Variants in NTRK2 observed in about 807,000 individuals in gnomAD.
The protein encoded by NTRK2 is neurotrophic receptor tyrosine kinase 2.
A neutral mutation model predicts 94.5 loss-of-function variants in NTRK2; 13 were observed. The observed-to-expected ratio is 0.14, with a 90% CI of 0.09 to 0.22. The LOEUF is 0.22. Ranked by LOEUF, NTRK2 falls within the 10% of genes least tolerant of loss-of-function variation. The probability of loss-of-function intolerance (pLI) is 1.00; values close to 1 mark genes in which losing one functional copy is unlikely to be tolerated. For synonymous variants in NTRK2, 372 were observed against 407.4 expected (o/e 0.91, Z 1.05); for missense variants, 639 against 1,071.2 (o/e 0.60, Z 5.63).
intron 14 of NTRK2, among the ~76,000 whole-genome samples, chr9:84,913,660 T>C (rs1477457860): frequency 6.6e-6 from 1 of 152,104 alleles, no homozygotes; most frequent in East Asian, 1.9e-4. Context: ...ATTCAAATAG[T>C]TTTTTCCTTA....
At chr9:84,893,344 A>G (rs1361304744) in intron 14 of NTRK2, among the ~76,000 whole-genome samples, 2 of 152,216 alleles carry the variant, frequency 1.3e-5, no homozygotes, top group African/African-American at 4.8e-5. Flanking sequence ...AAATCATGTA[A>G]GTGCACCTCT....
At chr9:84,785,349 A>G (rs1178871187) in intron 12 of NTRK2, among the ~76,000 whole-genome samples, 1 of 152,232 alleles carries the variant, frequency 6.6e-6, no homozygotes, top group Non-Finnish European at 1.5e-5. Flanking sequence ...ATCACCCATG[A>G]TAGTTGGAAG....
At chr9:84,818,839 C>A (rs2072596270) in intron 12 of NTRK2, among the ~76,000 whole-genome samples, 1 of 152,172 alleles carries the variant, frequency 6.6e-6, no homozygotes, top group Admixed American at 6.5e-5. Flanking sequence ...TGAACAGAAT[C>A]CAGACATCAG....
chr9:84,908,524 T>C (rs1183509058), intron 14 of NTRK2, among the ~76,000 whole-genome samples: 1 of 152,236 alleles, frequency 6.6e-6, no homozygotes, highest in Non-Finnish European at 1.5e-5. Context: ...ACACATTTCT[T>C]TAATATTTCT....
chr9:84,894,544 T>A lies in NTRK2; in HGVS notation c.1633+27113T>A, dbSNP rs1050960717. Among the ~76,000 whole-genome samples the A allele has an allele frequency of 5.9e-5, 9 of 152,260 alleles. No individual in the cohort carries two copies. In the East Asian group the frequency reaches 1.3e-3, roughly 23 times the overall value. On this transcript the variant is annotated intron_variant, in intron 14 of 18. Coordinates refer to ENST00000277120, the MANE Select transcript of NTRK2 (RefSeq NM_006180.6). The stretch of plus-strand genomic sequence containing the variant: ...ATACCCCACAACCTCCACCTAAATA[T>A]TCTATCTAAACTTCATGCTGCTCAA...
At chr9:84,702,549 A>T (rs576250523) in intron 4 of NTRK2, 130 bp downstream of exon 4, 1 of 810,276 alleles carries the variant, frequency 1.2e-6, no homozygotes, top group South Asian at 1.4e-5. Flanking sequence ...ATAATAGCTT[A>T]GAAACATTAG....
intron 14 of NTRK2, among the ~76,000 whole-genome samples, chr9:84,919,111 A>C (rs73476467): frequency 0.048 from 7,250 of 152,242 alleles, 576 homozygotes; most frequent in African/African-American, 0.16. Context: ...GAGGAATCCT[A>C]GTCCTACCAC....
At chr9:84,816,017 A>AT (rs927742593) in intron 12 of NTRK2, among the ~76,000 whole-genome samples, 124 of 151,650 alleles carry the variant, frequency 8.2e-4, no homozygotes, top group African/African-American at 2.8e-3. Context: ...ACTTATGCGA[A>AT]TTTTTTTTAA....
chr9:84,870,347 A>G lies in NTRK2; in HGVS notation c.1633+2916A>G, dbSNP rs1367417270. On this transcript the variant is annotated intron_variant, in intron 14 of 18. Coordinates refer to ENST00000277120, the MANE Select transcript of NTRK2 (RefSeq NM_006180.6). ...TGTGTGTGTGTATATATATATATATATATATATATATATATATAAAACTCT... is the reference window on the plus strand; with the variant it reads ...TGTGTGTGTGTATATATATATATATGTATATATATATATATATAAAACTCT... Among the ~76,000 whole-genome samples the G allele has an allele frequency of 3.3e-3, 390 of 118,654 alleles. 16 individuals are homozygous for G. Among genetic ancestry groups the G allele is most frequent in the African/African-American group, 9.8e-3 (331 of 33,660 alleles). 77.8% of individuals were successfully genotyped at this position (118,654 alleles called of 152,430 possible). A position where few individuals can be genotyped will look rare whatever the true frequency, so the allele number is the denominator to read the frequency against.
rs750758088 is a variant in NTRK2 at position 84,727,765 on chromosome 9, C to T, written c.965C>T (p.Ala322Val). ...KPALQWFYNG[A>V]ILNESKYICT... ...GCGCTTCAGTGGTTCTATAACGGGG[C>T]AATATTGAATGAGTCCAAATACATC... Residue 322 changes from alanine (A) to valine (V), a missense_variant, in exon 9 of 19, where the codon GCA becomes GTA. Physicochemically the swap from Ala to Val is moderately conservative, Grantham distance 64. This residue lies in a region of NTRK2 where 343 missense variants were observed against 571.5 expected (regional missense o/e 0.60). Coordinates refer to ENST00000277120, the MANE Select transcript of NTRK2 (RefSeq NM_006180.6). 1 of 1,614,174 alleles carries T rather than the reference C, an allele frequency of 6.2e-7. No homozygotes were observed. Among genetic ancestry groups the T allele is most frequent in the Non-Finnish European group, 8.5e-7 (1 of 1,180,028 alleles).
chr9:84,780,251 G>A (rs1419263007), intron 12 of NTRK2, among the ~76,000 whole-genome samples: 1 of 152,088 alleles, frequency 6.6e-6, no homozygotes, highest in Non-Finnish European at 1.5e-5. Flanking sequence ...TTGGAATACA[G>A]CCCCATTCAT....
intron 14 of NTRK2, among the ~76,000 whole-genome samples, chr9:84,918,810 A>G (rs1466344035): frequency 6.6e-6 from 1 of 152,134 alleles, no homozygotes; most frequent in African/African-American, 2.4e-5. Context: ...CATCACTACC[A>G]CTATAATCTA....
intron 14 of NTRK2, among the ~76,000 whole-genome samples, chr9:84,889,744 A>G (rs2076541096): frequency 6.6e-6 from 1 of 152,254 alleles, no homozygotes; most frequent in African/African-American, 2.4e-5. Context: ...TGGACATCAC[A>G]TATCATTGGT....
chr9:84,914,490 C>T (rs945349701), intron 14 of NTRK2, among the ~76,000 whole-genome samples: 1 of 152,138 alleles, frequency 6.6e-6, no homozygotes, highest in African/African-American at 2.4e-5. Context: ...TGACAGCACT[C>T]CACCAGGGGA....
intron 14 of NTRK2, among the ~76,000 whole-genome samples, chr9:84,884,373 G>A (rs1424911028): frequency 2.6e-5 from 4 of 151,994 alleles, no homozygotes; most frequent in African/African-American, 7.3e-5. Flanking sequence ...GCCTGATTAG[G>A]GCACCTTCTA....
chr9:84,722,593 A>T (rs536255063), intron 6 of NTRK2, among the ~76,000 whole-genome samples: 1 of 152,196 alleles, frequency 6.6e-6, no homozygotes, highest in African/African-American at 2.4e-5. Context: ...AGAGTTCCTG[A>T]CACCAAGAGA....
At chr9:84,901,254 T>C (rs961283155) in intron 14 of NTRK2, among the ~76,000 whole-genome samples, 14 of 125,486 alleles carry the variant, frequency 1.1e-4, no homozygotes, top group African/African-American at 4.4e-4. Context: ...ATGGAGTCTC[T>C]CCTTGTCACC....
In NTRK2 at chr9:84,967,224, C is replaced by A. The variant is rs575632054; in HGVS notation, c.2172+11707C>A. ...CAAGCAGCAGGTGGAAAGTGATGCACCATGTTCCTGGACATGCCAACACAG... is the reference window on the plus strand; with the variant it reads ...CAAGCAGCAGGTGGAAAGTGATGCAACATGTTCCTGGACATGCCAACACAG... On this transcript the variant is annotated intron_variant, in intron 17 of 18. Transcript: ENST00000277120. Among the ~76,000 whole-genome samples, 275 of 152,282 alleles carry A rather than the reference C, an allele frequency of 1.8e-3. 3 individuals carry two copies. Among genetic ancestry groups the A allele is most frequent in the Non-Finnish European group, 1.3e-3 (86 of 68,010 alleles).
intron 14 of NTRK2, among the ~76,000 whole-genome samples, chr9:84,881,683 C>T (rs749678943): frequency 2.0e-5 from 3 of 152,150 alleles, no homozygotes; most frequent in Non-Finnish European, 4.4e-5. Flanking sequence ...TAGTATTTGC[C>T]TATGATTCTG....
Sources: allele counts gnomAD v4.1 joint callset (sites outside exome capture counted in the v4.1 genomes callset), GRCh38; gene constraint gnomAD v4.1.1; regional missense constraint gnomAD v4.1.1; transcripts MANE v1.5; gene names NCBI Gene and HGNC (gene_info 2026-07-23, HGNC 2026-07-21).